The following RNF212 variants were observed in gnomAD, a reference collection of about 807,000 sequenced individuals.
The protein encoded by RNF212 is probable E3 SUMO-protein ligase RNF212.
In RNF212, 33 loss-of-function variants were observed where a neutral mutation model predicts 34.7. That is an observed-to-expected ratio of 0.95 (90% confidence interval 0.72 to 1.27). RNF212 has a LOEUF of 1.27. Among genes scored for constraint, RNF212 ranks in the 50% most tolerant of loss-of-function variants. The pLI is 0.00. For missense variants in RNF212, 377 were observed against 362.2 expected, an observed-to-expected ratio of 1.04 and a Z score of -0.33; for synonymous variants, 140 against 136.1, an observed-to-expected ratio of 1.03 and a Z score of -0.20.
rs1717479446 is a variant in RNF212, at chr4:1,058,281, TTAGAACGCAGTGAAGAAGGTGCTTGC to T, written n.220+14_220+39del. ...GCTGTGAAGAAGGTGCTTGCGGGGG[TTAGAACGCAGTGAAGAAGGTGCTTGC>T]GGGGGGGCACTACCTGAGAGGCTTT... On this transcript the variant is annotated intron_variant and non_coding_transcript_variant, in intron 4 of 4. Coordinates refer to the RNF212 transcript ENST00000503206. 2.9e-5 allele frequency: 19 copies of T among 653,408 alleles called. No individual in the cohort carries two copies. The African/African-American group carries it at 3.6e-4, about 12-fold the overall frequency. 40.5% of individuals were successfully genotyped at this position (653,408 alleles called of 1,614,324 possible). A position where few individuals can be genotyped will look rare whatever the true frequency, so the allele number is the denominator to read the frequency against.
chr4:1,099,860 G>T (rs571794664), intron 2 of RNF212: 1 of 456,216 alleles, frequency 2.2e-6, no homozygotes. Context: ...CGGGATCCAC[G>T]GGGCTCTCCT....
chr4:1,058,311 G>GGTTAGAACGCTGT (rs1560086855), intron 4 of RNF212: 1 of 921,500 alleles, frequency 1.1e-6, no homozygotes, highest in South Asian at 4.9e-5. Flanking sequence ...TGCTTGCGGG[G>GGTTAGAACGCTGT]GGGCACTACC....
At chr4:1,058,073 A>C (rs79366377) in intron 4 of RNF212, among the ~76,000 whole-genome samples, 1 of 151,974 alleles carries the variant, frequency 6.6e-6, no homozygotes, top group African/African-American at 2.4e-5. Flanking sequence ...AAAAAAAAAA[A>C]AGCAAACTCT....
intron 1 of RNF212, among the ~76,000 whole-genome samples, chr4:1,111,059 A>C (rs944859124): frequency 3.9e-5 from 6 of 152,182 alleles, no homozygotes; most frequent in African/African-American, 1.4e-4. Flanking sequence ...ACGCGTCTCC[A>C]TCATTCCTAA....
intron 8 of RNF212, among the ~76,000 whole-genome samples, chr4:1,077,513 G>A (rs778313087): frequency 6.6e-6 from 1 of 152,194 alleles, no homozygotes; most frequent in African/African-American, 2.4e-5. Context: ...AGTTATAGGC[G>A]TGAGCCCGAC....
chr4:1,078,044 C>A (rs1403214732), intron 8 of RNF212, among the ~76,000 whole-genome samples: 1 of 152,166 alleles, frequency 6.6e-6, no homozygotes, highest in African/African-American at 2.4e-5. Flanking sequence ...CCTTCTTATT[C>A]TGACTCCGGG....
At chr4:1,106,592 T>C (rs1724869365) in intron 2 of RNF212, among the ~76,000 whole-genome samples, 1 of 152,226 alleles carries the variant, frequency 6.6e-6, no homozygotes, top group South Asian at 2.1e-4. Context: ...AGAATAGCAG[T>C]GCACAGAAAG....
rs1296040377 is a variant in RNF212, at chr4:1,100,783, A to C, written c.172-3944T>G. The C allele has an allele frequency of 2.0e-5, 3 of 152,578 alleles. No individual in the cohort carries two copies. The East Asian group carries it at 5.8e-4, about 29-fold the overall frequency. The allele number at this position is 152,578 out of a possible 1,614,324, so 9.5% of individuals were successfully genotyped here. ...CATCATATTTGACCACTATGGCTGA[A>C]TTTTACGTCAGAAATTAGATGATTT... is the stretch of plus-strand genomic sequence containing the variant. On this transcript the variant is annotated intron_variant, in intron 2 of 9. Coordinates refer to ENST00000433731, the MANE Select transcript of RNF212 (RefSeq NM_001131034.4).
intron 3 of RNF212, among the ~76,000 whole-genome samples, chr4:1,091,680 A>C (rs976691611): frequency 9.8e-5 from 15 of 152,300 alleles, no homozygotes; most frequent in African/African-American, 3.6e-4. Flanking sequence ...GTGGAAAGAC[A>C]GGCCCAGCAC....
rs113015962 is a variant in RNF212, at chr4:1,080,058, G to A, written c.465-370C>T. Among the ~76,000 whole-genome samples, 286 of 152,320 alleles carry A rather than the reference G, an allele frequency of 1.9e-3. 2 individuals are homozygous for A. The highest frequency in any genetic ancestry group is 0.014 in the Middle Eastern group (4 of 294). On this transcript the variant is annotated intron_variant, in intron 7 of 9. Coordinates refer to ENST00000433731, the MANE Select transcript of RNF212 (RefSeq NM_001131034.4). The stretch of plus-strand genomic sequence containing the variant: ...TGCTGGACTAGGACGTTCTGAGAGT[G>A]GGATCCCGAATTGACTTCTGTGATC...
Position 1,072,727 on chromosome 4 carries a change from A to T in RNF212, c.*147T>A. The stretch of plus-strand genomic sequence containing the variant: ...AAATTCAAAGGTCAAATATAAAATT[A>T]CAAAGCAAATTGGGTAAAAGGTTAA... On this transcript the variant is annotated 3_prime_UTR_variant, in exon 10 of 10. Coordinates refer to ENST00000433731, the MANE Select transcript of RNF212 (RefSeq NM_001131034.4). 2.1e-6 allele frequency: 3 copies of T among 1,416,786 alleles called. No individual in the cohort carries two copies. Among genetic ancestry groups the T allele is most frequent in the Non-Finnish European group, 2.8e-6 (3 of 1,087,998 alleles). The allele number at this position is 1,416,786 out of a possible 1,614,324, so 87.8% of individuals were successfully genotyped here. A position where few individuals can be genotyped will look rare whatever the true frequency, so the allele number is the denominator to read the frequency against.
At chr4:1,065,517 G>A (rs1353593668) in intron 3 of RNF212, among the ~76,000 whole-genome samples, 1 of 113,118 alleles carries the variant, frequency 8.8e-6, no homozygotes, top group African/African-American at 3.8e-5. Context: ...AACCAGTCTG[G>A]GGTGCAGTGG....
rs746145696 is a variant in RNF212, at chr4:1,113,504, G to A, written c.-40C>T. On this transcript the variant is annotated 5_prime_UTR_variant, in exon 1 of 10. Coordinates refer to ENST00000433731, the MANE Select transcript of RNF212 (RefSeq NM_001131034.4). ...CGCAGCGGCGAGGCCGGGCCCACGC[G>A]AAGCCCACGCAAGGTTGGGACCAGC... 4 of 1,548,314 alleles carry A rather than the reference G, an allele frequency of 2.6e-6. No homozygotes were observed. The highest frequency in any genetic ancestry group is 2.8e-5 in the African/African-American group (2 of 71,764).
rs78510634 is a variant in RNF212, at chr4:1,082,629, G to C, written c.363-1010C>G. ...CACTGCCCCTCAACATCCTCACCCA[G>C]AGTCACTTATCCTGACAGCCTGTGT... On this transcript the variant is annotated intron_variant, in intron 5 of 9. Transcript: ENST00000433731. 5.1e-3 allele frequency among the ~76,000 whole-genome samples: 772 copies of C among 152,304 alleles called. 5 individuals carry two copies. The highest frequency in any genetic ancestry group is 0.018 in the African/African-American group (730 of 41,566).
chr4:1,075,063 G>A (rs1719060008), intron 8 of RNF212, among the ~76,000 whole-genome samples: 2 of 152,216 alleles, frequency 1.3e-5, no homozygotes, highest in African/African-American at 4.8e-5. Flanking sequence ...CCGTCCTGGT[G>A]CTGTCTGACA....
At chr4:1,095,820 T>C (rs367884709) in intron 3 of RNF212, among the ~76,000 whole-genome samples, 3,202 of 36,436 alleles carry the variant, frequency 0.088, no homozygotes, top group Non-Finnish European at 0.11. Context: ...CACAGCTCCA[T>C]GGTCTCGGGA....
At chr4:1,097,477 C>T (rs941959057) in intron 2 of RNF212, among the ~76,000 whole-genome samples, 2 of 152,006 alleles carry the variant, frequency 1.3e-5, no homozygotes, top group African/African-American at 4.8e-5. Context: ...TGGTGACGGG[C>T]ACCTGTAGTC....
At position 1,072,668 on chromosome 4, in the gene RNF212, C is replaced by A; in HGVS notation, c.*206G>T. 8.4e-7 allele frequency: 1 copy of A among 1,195,770 alleles called. No homozygotes were observed. The highest frequency in any genetic ancestry group is 1.1e-6 in the Non-Finnish European group (1 of 925,810). 74.1% of individuals were successfully genotyped at this position (1,195,770 alleles called of 1,614,324 possible). On this transcript the variant is annotated 3_prime_UTR_variant, in exon 10 of 10. Transcript: ENST00000433731. ...ACCTATAAAATAAAAGGGATAATAA[C>A]AATATATATGAGTACATAAAAATAT...
intron 4 of RNF212, among the ~76,000 whole-genome samples, chr4:1,087,590 T>C (rs1577719416): frequency 1.4e-5 from 2 of 144,432 alleles, no homozygotes; most frequent in Non-Finnish European, 3.0e-5. Flanking sequence ...AGGGAGTGGG[T>C]AATAGGATGG....
Sources: gnomAD v4.1 joint callset for allele counts (sites outside exome capture counted in the v4.1 genomes callset) on GRCh38, gnomAD v4.1.1 for gene constraint, MANE v1.5 for transcripts, NCBI Gene and HGNC (gene_info 2026-07-23, HGNC 2026-07-21) for gene names.